HERC2: variants seen among roughly 807,000 people sequenced by gnomAD.
HERC2 encodes the protein E3 ubiquitin-protein ligase HERC2.
A neutral mutation model predicts 537.7 loss-of-function variants in HERC2; 102 were observed. The ratio of observed to expected loss-of-function variants is 0.19; its 90% confidence interval spans 0.16 to 0.22. HERC2 has a LOEUF of 0.22. Among genes scored for constraint, HERC2 ranks in the 10% least tolerant of loss-of-function variants. The pLI, the probability that HERC2 is intolerant of heterozygous loss-of-function variation, is 1.00. For synonymous variants in HERC2, 2,224 were observed against 2,466.2 expected (o/e 0.90, Z 2.91); for missense variants, 4,236 against 6,198.2 (o/e 0.68, Z 10.63).
intron 37 of HERC2, among the ~76,000 whole-genome samples, chr15:28,218,921 G>A (rs1388126150): frequency 6.6e-6 from 1 of 151,890 alleles, no homozygotes; most frequent in African/African-American, 2.4e-5. Context: ...CTTTGACCTC[G>A]CAGGGTAAGC....
intron 59 of HERC2, among the ~76,000 whole-genome samples, chr15:28,178,677 TCTCAGAA>T (rs1199053053): frequency 6.6e-6 from 1 of 152,202 alleles, no homozygotes; most frequent in Non-Finnish European, 1.5e-5. Flanking sequence ...ATAGACTCTT[TCTCAGAA>T]AAACAGCCTA....
chr15:28,178,590 G>C (rs1335251566), intron 59 of HERC2, among the ~76,000 whole-genome samples: 1 of 152,160 alleles, frequency 6.6e-6, no homozygotes, highest in African/African-American at 2.4e-5. Context: ...TACACTGAAA[G>C]AGTGGTTTCA....
Position 28,152,733 on chromosome 15 carries a change from TCCA to T in HERC2, c.10841_10843del (p.Val3614del). On this transcript the variant is annotated inframe_deletion, in exon 70 of 93. Transcript: ENST00000261609. The stretch of plus-strand genomic sequence containing the variant: ...GTCGTCGGTGTAAGGGTGGCTACTC[TCCA>T]CCACCACAGGCTGAGAAGAGAGGCG... 2.6e-6 allele frequency: 4 copies of T among 1,552,042 alleles called. No homozygotes were observed. In the South Asian group the frequency reaches 4.8e-5, roughly 18 times the overall value.
In HERC2 at chr15:28,254,379, T is replaced by C. The variant is rs1169336779; in HGVS notation, c.3011A>G (p.Gln1004Arg). 1.9e-6 allele frequency: 3 copies of C among 1,608,186 alleles called. No homozygotes were observed. In the African/African-American group the frequency reaches 4.0e-5, roughly 22 times the overall value. Residue 1004 changes from glutamine (Q) to arginine (R), a missense_variant, in exon 20 of 93, where the codon CAG becomes CGG. By Grantham distance (43) the Gln-to-Arg change is conservative. Transcript: ENST00000261609. Reference protein sequence around the residue: ...NTGICESSGKQCLPLVQLIQQ... With the variant: ...NTGICESSGKRCLPLVQLIQQ... ...TATGAGCTGAACCAGAGGCAAACAC[T>C]GTTTGCCAGAAGACTCACAGATCCC...
chr15:28,264,782 T>A (rs537163159), intron 14 of HERC2, among the ~76,000 whole-genome samples: 1 of 152,282 alleles, frequency 6.6e-6, no homozygotes, highest in East Asian at 1.9e-4. Flanking sequence ...CAATAATAGA[T>A]ATTTTAAAAT....
chr15:28,153,523 T>C (rs1249689048), intron 69 of HERC2, among the ~76,000 whole-genome samples: 1 of 151,978 alleles, frequency 6.6e-6, no homozygotes, highest in East Asian at 1.9e-4. Context: ...TGGTGGCCCG[T>C]GCCTGTAGTC....
intron 55 of HERC2, 77 bp downstream of exon 55, chr15:28,190,888 G>A: frequency 1.1e-6 from 1 of 921,546 alleles, no homozygotes; most frequent in East Asian, 2.4e-5. Flanking sequence ...TGGGCTCAAT[G>A]CTAGTATAGA....
intron 4 of HERC2, among the ~76,000 whole-genome samples, chr15:28,288,627 C>T (rs2076225781): frequency 6.6e-6 from 1 of 151,006 alleles, no homozygotes; most frequent in South Asian, 2.1e-4. Flanking sequence ...ACGTGGATCA[C>T]CTAAGGTCAG....
intron 83 of HERC2, among the ~76,000 whole-genome samples, chr15:28,126,459 T>C (rs997042256): frequency 6.6e-6 from 1 of 152,160 alleles, no homozygotes; most frequent in Non-Finnish European, 1.5e-5. Flanking sequence ...CAATTTGCAA[T>C]TACACAAATA....
rs1411244305 is a variant in HERC2 at position 28,152,688 on chromosome 15, A to G, written c.10889T>C (p.Val3630Ala). The change falls in exon 70 of 93, where the codon GTG (valine) becomes GCG (alanine). Residue 3630 changes from valine (V) to alanine (A), a missense_variant. This residue lies in a region of HERC2 where 356 missense variants were observed against 450.9 expected (regional missense o/e 0.79). Transcript: ENST00000261609. Reference sequence around the variant, plus strand: ...GCCAGCCCCTGTACCTGGTATCTTCACTGTGCCACTGGTGGAGGTGTCGTC... The same window carrying G: ...GCCAGCCCCTGTACCTGGTATCTTCGCTGTGCCACTGGTGGAGGTGTCGTC... ...YTDDTSTSGT[V>A]KIPGAEGLRV... 1.9e-6 allele frequency: 3 copies of G among 1,549,788 alleles called. No individual in the cohort carries two copies. In the South Asian group the frequency reaches 3.6e-5, roughly 19 times the overall value.
intron 70 of HERC2, among the ~76,000 whole-genome samples, chr15:28,151,521 T>G (rs1190806000): frequency 2.6e-5 from 4 of 151,808 alleles, no homozygotes; most frequent in Non-Finnish European, 4.4e-5. Flanking sequence ...AGGAAAAAAT[T>G]TTTAAGTATC....
At chr15:28,212,986 C>A (rs1409909711) in intron 42 of HERC2, 1 of 151,650 alleles carries the variant, frequency 6.6e-6, no homozygotes, top group Admixed American at 6.6e-5. Context: ...CCGAGGCGGG[C>A]GGATCACCTG....
At position 28,270,759 on chromosome 15, in the gene HERC2, G is replaced by A. The variant is rs2075703412; in HGVS notation, c.1193C>T (p.Ala398Val). The change falls in exon 10 of 93, where the codon GCC (alanine) becomes GTC (valine). Residue 398 changes from alanine (A) to valine (V), a missense_variant. Around this residue, in one of 27 missense-constraint regions of HERC2, gnomAD observed 491 missense variants for 559.3 expected, o/e 0.88. Transcript: ENST00000261609. ...DLRQTAVVVM[A>V]HLDRLATPCM... ...GGGCGTAGCCAGACGGTCTAAATGG[G>A]CCATGACAACAACCGCCGTTTGTCG... is the stretch of plus-strand genomic sequence containing the variant. 1.2e-6 allele frequency: 2 copies of A among 1,613,824 alleles called. No individual in the cohort carries two copies. The highest frequency in any genetic ancestry group is 2.2e-5 in the East Asian group (1 of 44,890).
intron 86 of HERC2, among the ~76,000 whole-genome samples, chr15:28,118,697 G>C (rs1335643279): frequency 6.6e-6 from 1 of 152,200 alleles, no homozygotes; most frequent in Non-Finnish European, 1.5e-5. Flanking sequence ...CGCAGCCATG[G>C]GGTGGCGGGT....
intron 36 of HERC2, 35 bp from the exon 37 acceptor site, chr15:28,220,679 T>C: frequency 6.4e-7 from 1 of 1,557,742 alleles, no homozygotes; most frequent in South Asian, 1.1e-5. Flanking sequence ...GTTAGGAGGG[T>C]GCGTAACCTG....
chr15:28,216,313 A>AT (rs201840469), intron 38 of HERC2, among the ~76,000 whole-genome samples: 21,632 of 147,766 alleles, frequency 0.15, 2,551 homozygotes, highest in East Asian at 0.42. Context: ...CCACTTAAAT[A>AT]TTTTTTTTTT....
chr15:28,230,055 G>C (rs938199908), intron 31 of HERC2, among the ~76,000 whole-genome samples: 7 of 152,106 alleles, frequency 4.6e-5, no homozygotes, highest in African/African-American at 1.7e-4. Context: ...GGCTAGCTTG[G>C]CATACAAAGC....
intron 52 of HERC2, among the ~76,000 whole-genome samples, chr15:28,194,201 G>GA (rs1417285617): frequency 6.6e-6 from 1 of 150,694 alleles, no homozygotes; most frequent in Non-Finnish European, 1.5e-5. Flanking sequence ...GAGTAGCTGG[G>GA]ACTACAGGCG....
intron 44 of HERC2, among the ~76,000 whole-genome samples, chr15:28,206,753 A>T (rs1898499538): frequency 6.8e-6 from 1 of 147,574 alleles, no homozygotes; most frequent in African/African-American, 2.5e-5. Context: ...GAATGGCATG[A>T]ACCTGGGAGG....
Sources: gnomAD v4.1 joint callset for allele counts (sites outside exome capture counted in the v4.1 genomes callset) on GRCh38, gnomAD v4.1.1 for gene constraint, gnomAD v4.1.1 regional missense constraint, MANE v1.5 for transcripts, NCBI Gene and HGNC (gene_info 2026-07-23, HGNC 2026-07-21) for gene names.